Variants in CAMTA1 observed in about 807,000 individuals in gnomAD.
CAMTA1 encodes calmodulin-binding transcription activator 1.
A neutral mutation model predicts 170.9 loss-of-function variants in CAMTA1; 27 were observed. That is an observed-to-expected ratio of 0.16 (90% CI 0.12 to 0.22). The LOEUF is 0.22. Ranked by LOEUF, CAMTA1 falls within the 10% of genes least tolerant of loss-of-function variation. The pLI, the probability that CAMTA1 is intolerant of heterozygous loss-of-function variation, is 1.00. For synonymous variants in CAMTA1, 833 were observed against 891.5 expected, an observed-to-expected ratio of 0.93 and a Z score of 1.17; for missense variants, 1,619 against 2,217.2, an observed-to-expected ratio of 0.73 and a Z score of 5.42.
At chr1:7,662,044 C>T (rs997604993) in intron 8 of CAMTA1, among the ~76,000 whole-genome samples, 178 bp downstream of exon 8, 12 of 152,224 alleles carry the variant, frequency 7.9e-5, no homozygotes, top group South Asian at 2.1e-4. Context: ...CCTTCCGCCT[C>T]GTCCTGCCCT....
intron 3 of CAMTA1, among the ~76,000 whole-genome samples, chr1:6,902,358 C>A (rs1228578929): frequency 6.6e-6 from 1 of 152,182 alleles, no homozygotes; most frequent in Non-Finnish European, 1.5e-5. Context: ...GAATAAGCAA[C>A]TTCATTGGAG....
intron 3 of CAMTA1, among the ~76,000 whole-genome samples, chr1:7,005,199 C>T (rs183329461): frequency 6.6e-6 from 1 of 152,324 alleles, no homozygotes; most frequent in East Asian, 1.9e-4. Context: ...TTGATCTCAC[C>T]TGGGAAATTC....
At chr1:7,469,388 C>A (rs143938015) in intron 6 of CAMTA1, among the ~76,000 whole-genome samples, 1 of 152,184 alleles carries the variant, frequency 6.6e-6, no homozygotes, top group African/African-American at 2.4e-5. Context: ...GGGTTCCACC[C>A]GAGGCCAGAG....
chr1:7,472,441 C>T (rs1323644093), intron 6 of CAMTA1, among the ~76,000 whole-genome samples: 2 of 152,130 alleles, frequency 1.3e-5, no homozygotes, highest in Non-Finnish European at 2.9e-5. Flanking sequence ...GGCAGTGAGC[C>T]TCCACCACGC....
intron 11 of CAMTA1, among the ~76,000 whole-genome samples, chr1:7,711,769 C>T (rs2096572593): frequency 6.6e-6 from 1 of 151,970 alleles, no homozygotes; most frequent in African/African-American, 2.4e-5. Flanking sequence ...GAACCAATGC[C>T]CCTGGCGCGC....
intron 5 of CAMTA1, among the ~76,000 whole-genome samples, chr1:7,439,185 G>A (rs1575331008): frequency 6.6e-6 from 1 of 152,166 alleles, no homozygotes; most frequent in Non-Finnish European, 1.5e-5. Context: ...GCCCGCCCTT[G>A]CTGACTGGAC....
intron 3 of CAMTA1, among the ~76,000 whole-genome samples, chr1:6,857,089 G>A (rs561653197): frequency 1.3e-5 from 2 of 152,194 alleles, no homozygotes; most frequent in East Asian, 3.9e-4. Context: ...TACAGCCACC[G>A]TGTGGGGTGC....
intron 3 of CAMTA1, among the ~76,000 whole-genome samples, chr1:6,997,980 T>G (rs1697582471): frequency 6.6e-6 from 1 of 152,082 alleles, no homozygotes; most frequent in African/African-American, 2.4e-5. Flanking sequence ...ATTACAAATT[T>G]TTTTTCCATC....
intron 3 of CAMTA1, among the ~76,000 whole-genome samples, chr1:6,964,023 G>A (rs540364901): frequency 6.6e-6 from 1 of 152,336 alleles, no homozygotes; most frequent in East Asian, 1.9e-4. Context: ...GCCTGGTTAG[G>A]GGTACAGAGT....
rs34335657 is a variant in CAMTA1, at chr1:7,767,843, C to CAAAAAAAAAAA, written c.*1355_*1365dup. The CAAAAAAAAAAA allele has an allele frequency of 7.3e-6, 1 of 136,358 alleles. No homozygotes were observed. Among genetic ancestry groups the CAAAAAAAAAAA allele is most frequent in the Non-Finnish European group, 1.6e-5 (1 of 63,668 alleles). 8.4% of individuals were successfully genotyped at this position (136,358 alleles called of 1,614,324 possible). On this transcript the variant is annotated 3_prime_UTR_variant, in exon 23 of 23. Transcript: ENST00000303635. ...ATTTTGCTAAAGCATGACTAAACTG[C>CAAAAAAAAAAA]AAAAAAAAAAAAAGAGCTACTGTAT...
At position 7,124,307 on chromosome 1, in the gene CAMTA1, G is replaced by A. The variant is rs117491235; in HGVS notation, c.302+32936G>A. ...TTGCGTTCCCACCGTAGGTGCTACC[G>A]ACGGGTGCAGCATCCTCCCTGCACA... On this transcript the variant is annotated intron_variant, in intron 4 of 22. Coordinates refer to ENST00000303635, the MANE Select transcript of CAMTA1 (RefSeq NM_015215.4). Among the ~76,000 whole-genome samples the A allele has an allele frequency of 4.9e-4, 74 of 152,232 alleles. 2 individuals are homozygous for A. In the East Asian group the frequency reaches 0.013, roughly 27 times the overall value.
At chr1:7,326,635 T>G (rs1205726953) in intron 5 of CAMTA1, among the ~76,000 whole-genome samples, 1 of 152,150 alleles carries the variant, frequency 6.6e-6, no homozygotes, top group Non-Finnish European at 1.5e-5. Context: ...GAATGCCAAG[T>G]GTTGCCAGCA....
intron 5 of CAMTA1, among the ~76,000 whole-genome samples, chr1:7,342,032 C>A (rs750602450): frequency 4.3e-4 from 65 of 152,232 alleles, no homozygotes; most frequent in Non-Finnish European, 9.0e-4. Context: ...AGTCTTCATA[C>A]TGACCGTAGA....
At chr1:7,493,402 CAAA>C (rs2093768230) in intron 6 of CAMTA1, among the ~76,000 whole-genome samples, 1 of 147,956 alleles carries the variant, frequency 6.8e-6, no homozygotes, top group Non-Finnish European at 1.5e-5. Flanking sequence ...TGCACACACA[CAAA>C]AACACAAACC....
intron 3 of CAMTA1, among the ~76,000 whole-genome samples, chr1:6,908,257 C>T (rs1678975030): frequency 2.6e-5 from 4 of 152,234 alleles, no homozygotes; most frequent in South Asian, 4.1e-4. Flanking sequence ...GCAGAGGGGC[C>T]GTTACTCCCC....
chr1:7,265,015 G>A (rs1194527143), intron 5 of CAMTA1, among the ~76,000 whole-genome samples: 1 of 152,236 alleles, frequency 6.6e-6, no homozygotes, highest in Admixed American at 6.5e-5. Flanking sequence ...AGGGCCTGCA[G>A]GGGTGGGGAG....
intron 3 of CAMTA1, among the ~76,000 whole-genome samples, chr1:7,032,824 A>T (rs969404453): frequency 3.3e-5 from 5 of 152,058 alleles, no homozygotes; most frequent in Non-Finnish European, 5.9e-5. Flanking sequence ...TGGATAAAGA[A>T]TTCTAGGTTG....
At chr1:7,161,596 C>T (rs1573558055) in intron 4 of CAMTA1, among the ~76,000 whole-genome samples, 1 of 152,162 alleles carries the variant, frequency 6.6e-6, no homozygotes, top group Non-Finnish European at 1.5e-5. Flanking sequence ...CTCTCTTTGC[C>T]TGCTACCATC....
chr1:7,263,470 A>G (rs1668470116), intron 5 of CAMTA1, among the ~76,000 whole-genome samples: 1 of 152,230 alleles, frequency 6.6e-6, no homozygotes, highest in African/African-American at 2.4e-5. Flanking sequence ...CACAAACCAG[A>G]ATGCAGAACA....
Sources: gnomAD v4.1 joint callset for allele counts (sites outside exome capture counted in the v4.1 genomes callset) on GRCh38, gnomAD v4.1.1 for gene constraint, MANE v1.5 for transcripts, NCBI Gene and HGNC (gene_info 2026-07-23, HGNC 2026-07-21) for gene names.